ARID1B: variants seen among roughly 807,000 people sequenced by gnomAD.
ARID1B encodes AT-rich interactive domain-containing protein 1B.
ARID1B carries 30 observed loss-of-function variants against 212.3 expected under a neutral mutation model. The observed-to-expected ratio is 0.14, with a 90% CI of 0.11 to 0.19. The LOEUF is 0.19. Among genes scored for constraint, ARID1B ranks in the 10% least tolerant of loss-of-function variants. The pLI is 1.00. For synonymous variants in ARID1B, 1,402 were observed against 1,301.7 expected, an observed-to-expected ratio of 1.08 and a Z score of -1.66; for missense variants, 2,891 against 3,204.0, an observed-to-expected ratio of 0.90 and a Z score of 2.36.
chr6:157,110,604 G>A, intron 6 of ARID1B, 43 bp downstream of exon 6: 1 of 1,582,230 alleles, frequency 6.3e-7, no homozygotes, highest in Non-Finnish European at 8.7e-7. Context: ...AGTGCTTTCA[G>A]GCGATAAGGC....
At chr6:156,834,877 A>T (rs956246778) in intron 2 of ARID1B, among the ~76,000 whole-genome samples, 1 of 152,198 alleles carries the variant, frequency 6.6e-6, no homozygotes, top group Non-Finnish European at 1.5e-5. Flanking sequence ...TCTGCTTCCA[A>T]GTAGATAGCA....
At chr6:157,161,040 T>C (rs544200117) in intron 8 of ARID1B, among the ~76,000 whole-genome samples, 359 of 152,342 alleles carry the variant, frequency 2.4e-3, no homozygotes, top group African/African-American at 8.4e-3. Flanking sequence ...TCCTCTCCCA[T>C]ACTTATCTTA....
At chr6:157,123,038 T>C (rs1171192056) in intron 6 of ARID1B, among the ~76,000 whole-genome samples, 2 of 152,130 alleles carry the variant, frequency 1.3e-5, no homozygotes, top group Non-Finnish European at 2.9e-5. Context: ...AAAAACCTAA[T>C]GGGTTGTTTC....
intron 2 of ARID1B, among the ~76,000 whole-genome samples, chr6:156,869,728 T>TA (rs1361483325): frequency 2.6e-5 from 4 of 152,192 alleles, no homozygotes; most frequent in African/African-American, 9.7e-5. Context: ...TAGAGTGAGC[T>TA]ATAAAGTGAA....
chr6:156,897,264 C>CTTCTTCTTCTTCTTATTATTATTA lies in ARID1B; in HGVS notation c.1987-4110_1987-4109insCTTCTTCTTCTTATTATTATTATT, dbSNP rs71027320. Among the ~76,000 whole-genome samples, 321 of 83,508 alleles carry CTTCTTCTTCTTCTTATTATTATTA rather than the reference C, an allele frequency of 3.8e-3. 2 individuals are homozygous for CTTCTTCTTCTTCTTATTATTATTA. The highest frequency in any genetic ancestry group is 5.2e-3 in the Non-Finnish European group (217 of 41,562). The allele number at this position is 83,508 out of a possible 152,430, so 54.8% of individuals were successfully genotyped here. A position where few individuals can be genotyped will look rare whatever the true frequency, so the allele number is the denominator to read the frequency against. ...TCTTCTTCTTCTTCTTCTTCTTCTT[C>CTTCTTCTTCTTCTTATTATTATTA]TTATTATTATTATTATTATTATTAT... is the stretch of plus-strand genomic sequence containing the variant. On this transcript the variant is annotated intron_variant, in intron 2 of 19. Coordinates refer to ENST00000636930, the MANE Select transcript of ARID1B (RefSeq NM_001374828.1).
Position 157,033,828 on chromosome 6 carries a change from G to A in ARID1B, c.2248-50834G>A, listed in dbSNP as rs532276164. On this transcript the variant is annotated intron_variant, in intron 4 of 19. Coordinates refer to ENST00000636930, the MANE Select transcript of ARID1B (RefSeq NM_001374828.1). ...ATTGTAACATTTGAAATAAGTGTGAGTTAATGGAAAGGGCCTTGTCTTTGC... is the reference window on the plus strand; with the variant it reads ...ATTGTAACATTTGAAATAAGTGTGAATTAATGGAAAGGGCCTTGTCTTTGC... Among the ~76,000 whole-genome samples, 6 of 152,334 alleles carry A rather than the reference G, an allele frequency of 3.9e-5. 1 individual carries two copies. The South Asian group carries it at 1.2e-3, about 32-fold the overall frequency.
intron 15 of ARID1B, among the ~76,000 whole-genome samples, chr6:157,191,098 G>A (rs1793335561): frequency 6.6e-6 from 1 of 152,136 alleles, no homozygotes; most frequent in South Asian, 2.1e-4. Context: ...AGTGATGTGA[G>A]TAGTTTTTTT....
chr6:157,135,427 G>A (rs996092668), intron 7 of ARID1B, among the ~76,000 whole-genome samples: 2 of 152,084 alleles, frequency 1.3e-5, no homozygotes, highest in African/African-American at 2.4e-5. Context: ...TAGTAGAAAC[G>A]ATCTGAAATG....
intron 4 of ARID1B, among the ~76,000 whole-genome samples, chr6:156,978,436 A>C (rs967720510): frequency 6.6e-6 from 1 of 152,246 alleles, no homozygotes; most frequent in Non-Finnish European, 1.5e-5. Context: ...ACAGGAATGA[A>C]TATTAGGAGA....
At chr6:156,807,516 A>AT (rs1693655562) in intron 1 of ARID1B, among the ~76,000 whole-genome samples, 1 of 151,802 alleles carries the variant, frequency 6.6e-6, no homozygotes, top group African/African-American at 2.4e-5. Context: ...TTATTAAAAG[A>AT]TTCAAACGCT....
chr6:156,815,389 A>C (rs1309753809), intron 1 of ARID1B, among the ~76,000 whole-genome samples: 1 of 152,214 alleles, frequency 6.6e-6, no homozygotes, highest in Non-Finnish European at 1.5e-5. Flanking sequence ...ATTGATATTG[A>C]GTGTAATTAG....
intron 2 of ARID1B, among the ~76,000 whole-genome samples, chr6:156,897,218 G>GCTGCTGCTGCTGCTGCTGCTGCTT (rs1554264583): frequency 3.3e-5 from 3 of 91,372 alleles, no homozygotes; most frequent in African/African-American, 1.2e-4. Context: ...TGCTGCTGCT[G>GCTGCTGCTGCTGCTGCTGCTGCTT]CTTCTTCTTC....
intron 2 of ARID1B, among the ~76,000 whole-genome samples, chr6:156,838,783 T>C (rs1383697719): frequency 1.3e-5 from 2 of 151,840 alleles, no homozygotes; most frequent in Non-Finnish European, 2.9e-5. Context: ...TTATAATCAG[T>C]ATCATAATCA....
intron 3 of ARID1B, among the ~76,000 whole-genome samples, chr6:156,929,106 AGGAAAAAAC>A (rs1791489049): frequency 1.3e-5 from 2 of 152,172 alleles, no homozygotes; most frequent in Non-Finnish European, 2.9e-5. Flanking sequence ...GTTTCCTGGT[AGGAAAAAAC>A]GAGGTAACAA....
At chr6:156,841,587 T>C (rs921617909) in intron 2 of ARID1B, among the ~76,000 whole-genome samples, 2 of 152,204 alleles carry the variant, frequency 1.3e-5, no homozygotes, top group Non-Finnish European at 2.9e-5. Flanking sequence ...CCAGGTCTTA[T>C]GCTAAGTACT....
intron 1 of ARID1B, among the ~76,000 whole-genome samples, chr6:156,806,542 A>G (rs968114511): frequency 8.5e-5 from 13 of 152,200 alleles, no homozygotes; most frequent in African/African-American, 3.1e-4. Flanking sequence ...TGATTTAATA[A>G]TTTCCAAAGT....
chr6:156,834,660 A>T (rs556483092), intron 2 of ARID1B, among the ~76,000 whole-genome samples: 2 of 152,236 alleles, frequency 1.3e-5, no homozygotes, highest in Admixed American at 1.3e-4. Flanking sequence ...CAGCATTTTC[A>T]TACATTCGTG....
Position 156,978,883 on chromosome 6 carries a change from C to A in ARID1B, c.2247+43307C>A, listed in dbSNP as rs145503766. Among the ~76,000 whole-genome samples, 122 of 152,264 alleles carry A rather than the reference C, an allele frequency of 8.0e-4. 1 individual carries two copies. The East Asian group carries it at 0.016, about 20-fold the overall frequency. ...TATAGCAGAATCAAAGTATGTTATTCCATTTGTTCCAAATTTCTCTCCATT... is the reference window on the plus strand; with the variant it reads ...TATAGCAGAATCAAAGTATGTTATTACATTTGTTCCAAATTTCTCTCCATT... On this transcript the variant is annotated intron_variant, in intron 4 of 19. Coordinates refer to ENST00000636930, the MANE Select transcript of ARID1B (RefSeq NM_001374828.1).
At chr6:157,001,500 A>G (rs7769037) in intron 4 of ARID1B, among the ~76,000 whole-genome samples, 79,211 of 151,834 alleles carry the variant, frequency 0.52, 20,900 homozygotes, top group East Asian at 0.66. Flanking sequence ...GCCTGAGACC[A>G]ACCATCGAAG....
Sources: gnomAD v4.1 joint callset for allele counts (sites outside exome capture counted in the v4.1 genomes callset) on GRCh38, gnomAD v4.1.1 for gene constraint, MANE v1.5 for transcripts, NCBI Gene and HGNC (gene_info 2026-07-23, HGNC 2026-07-21) for gene names.